RAB27A: variants seen among roughly 807,000 people sequenced by gnomAD.
RAB27A encodes the protein ras-related protein Rab-27A.
In RAB27A, 17 loss-of-function variants were observed where a neutral mutation model predicts 20.8. That is an observed-to-expected ratio of 0.82 (90% CI 0.56 to 1.23). RAB27A has a LOEUF of 1.23. Ranked by LOEUF, RAB27A falls within the 50% of genes most tolerant of loss-of-function variation. RAB27A has a pLI of 0.00. For synonymous variants in RAB27A, 85 were observed against 92.8 expected, an observed-to-expected ratio of 0.92 and a Z score of 0.48; for missense variants, 277 against 266.7, an observed-to-expected ratio of 1.04 and a Z score of -0.27.
chr15:55,253,953 C>T (rs1487595021), intron 2 of RAB27A, among the ~76,000 whole-genome samples: 1 of 152,144 alleles, frequency 6.6e-6, no homozygotes, highest in Non-Finnish European at 1.5e-5. Context: ...TCTTCAGAAA[C>T]TATGTTTGAG....
chr15:55,316,855 C>T (rs2055047087), intron 1 of RAB27A, among the ~76,000 whole-genome samples: 1 of 152,152 alleles, frequency 6.6e-6, no homozygotes, highest in Admixed American at 6.5e-5. Context: ...CTCCTCCACA[C>T]TGCCTGAGAT....
chr15:55,290,683 C>T (rs922471517), upstream of RAB27A, among the ~76,000 whole-genome samples: 46 of 152,236 alleles, frequency 3.0e-4, no homozygotes, highest in African/African-American at 1.1e-3. Flanking sequence ...GGTAGTGAAC[C>T]TGGGACTGCG....
intron 3 of RAB27A, among the ~76,000 whole-genome samples, chr15:55,232,594 C>G (rs1896076670): frequency 6.6e-6 from 1 of 152,044 alleles, no homozygotes; most frequent in African/African-American, 2.4e-5. Context: ...ACATAGCGGT[C>G]CTCTAAAATT....
chr15:55,310,853 C>CAA (rs2055017254), intron 2 of RAB27A, among the ~76,000 whole-genome samples: 2 of 152,210 alleles, frequency 1.3e-5, no homozygotes, highest in Admixed American at 1.3e-4. Context: ...AATCAGGTGA[C>CAA]AGAGAGGTAT....
intron 1 of RAB27A, chr15:55,317,505 G>C (rs906632370): frequency 3.0e-6 from 1 of 332,468 alleles, no homozygotes; most frequent in Non-Finnish European, 5.4e-6. Flanking sequence ...AGTAGAGACA[G>C]GGTTTCACCA....
intron 2 of RAB27A, among the ~76,000 whole-genome samples, chr15:55,241,318 T>C (rs554796727): frequency 6.6e-6 from 1 of 152,060 alleles, no homozygotes; most frequent in East Asian, 1.9e-4. Context: ...CAAAAGACTT[T>C]CTTATTCAGC....
At chr15:55,209,923 C>CATATATGTGTGTATATCCGTATATAT (rs1566896471) in intron 6 of RAB27A, among the ~76,000 whole-genome samples, 1 of 82,542 alleles carries the variant, frequency 1.2e-5, no homozygotes, top group African/African-American at 8.5e-5. Context: ...TGTATATACA[C>CATATATGTGTGTATATCCGTATATAT]ACATATATGT....
chr15:55,245,823 T>C (rs1896663169), intron 2 of RAB27A, among the ~76,000 whole-genome samples: 1 of 152,136 alleles, frequency 6.6e-6, no homozygotes, highest in Non-Finnish European at 1.5e-5. Flanking sequence ...AAATATACAT[T>C]TCTGGGCCGG....
chr15:55,211,499 T>C (rs565882606), intron 6 of RAB27A, among the ~76,000 whole-genome samples: 1 of 152,344 alleles, frequency 6.6e-6, no homozygotes, highest in South Asian at 2.1e-4. Context: ...CTAGGTATTT[T>C]ATATTCTTTG....
chr15:55,275,353 A>C (rs1294390916), intron 1 of RAB27A, among the ~76,000 whole-genome samples: 2 of 152,040 alleles, frequency 1.3e-5, no homozygotes, highest in Admixed American at 6.6e-5. Context: ...CTGGCCGGGC[A>C]TGGTGGCTCA....
intron 3 of RAB27A, among the ~76,000 whole-genome samples, chr15:55,231,563 A>T (rs537652094): frequency 2.0e-5 from 3 of 152,248 alleles, no homozygotes; most frequent in African/African-American, 7.2e-5. Flanking sequence ...GGTGTTTTTT[A>T]CCTTGCCCTA....
rs868089118 is a variant in RAB27A at position 55,210,428 on chromosome 15, G to A, written c.468-4723C>T. 4.1e-5 allele frequency among the ~76,000 whole-genome samples: 4 copies of A among 97,930 alleles called. 1 individual carries two copies. The highest frequency in any genetic ancestry group is 1.7e-4 in the Admixed American group (2 of 11,926). 64.2% of individuals were successfully genotyped at this position (97,930 alleles called of 152,430 possible). On this transcript the variant is annotated intron_variant, in intron 6 of 6. Coordinates refer to ENST00000336787, the MANE Select transcript of RAB27A (RefSeq NM_183235.3). The stretch of plus-strand genomic sequence containing the variant: ...TTAGGTGTGGTTTTTTTTTTTTTGA[G>A]GGGGGGGGAATTACTGCCTATATTT...
chr15:55,272,124 G>C (rs1595738861), intron 1 of RAB27A, among the ~76,000 whole-genome samples: 1 of 152,146 alleles, frequency 6.6e-6, no homozygotes, highest in Non-Finnish European at 1.5e-5. Context: ...TCAACCATCA[G>C]GATATATAGG....
chr15:55,227,140 C>G (rs552171756), intron 5 of RAB27A, among the ~76,000 whole-genome samples: 1 of 152,142 alleles, frequency 6.6e-6, no homozygotes, highest in Admixed American at 6.5e-5. Context: ...CTAAGGAAAA[C>G]AAAACAAAAT....
At chr15:55,225,144 C>A (rs1433313423) in intron 5 of RAB27A, among the ~76,000 whole-genome samples, 4 of 152,182 alleles carry the variant, frequency 2.6e-5, no homozygotes, top group Non-Finnish European at 5.9e-5. Flanking sequence ...TCCTTCAAGA[C>A]TTGCTTCATG....
chr15:55,319,067 G>C (rs1003272084), exon 1 of RAB27A: 18 of 679,874 alleles, frequency 2.6e-5, no homozygotes, highest in African/African-American at 2.6e-4. Context: ...GCAATCCCTC[G>C]GTTCGGAAAC....
intron 1 of RAB27A, among the ~76,000 whole-genome samples, chr15:55,318,103 T>C (rs1485175375): frequency 6.7e-6 from 1 of 149,374 alleles, no homozygotes; most frequent in East Asian, 2.0e-4. Flanking sequence ...TTTTTCTTTT[T>C]TTTTTTTTTT....
At chr15:55,224,114 T>A (rs1344848365) in intron 5 of RAB27A, 102 bp from the exon 6 acceptor site, 1 of 867,134 alleles carries the variant, frequency 1.2e-6, no homozygotes, top group African/African-American at 1.7e-5. Context: ...AATGTATATA[T>A]AGATATTGGG....
intron 2 of RAB27A, among the ~76,000 whole-genome samples, chr15:55,295,174 G>A (rs2054943494): frequency 6.6e-6 from 1 of 151,866 alleles, no homozygotes; most frequent in Non-Finnish European, 1.5e-5. Context: ...TGGAAAGAAA[G>A]AAAAAGCAAG....
Sources: allele counts gnomAD v4.1 joint callset (sites outside exome capture counted in the v4.1 genomes callset), GRCh38; gene constraint gnomAD v4.1.1; transcripts MANE v1.5; gene names NCBI Gene and HGNC (gene_info 2026-07-23, HGNC 2026-07-21).